Variants in CCL28 observed in about 807,000 individuals in gnomAD.
CCL28 encodes C-C motif chemokine 28.
A neutral mutation model predicts 7.1 loss-of-function variants in CCL28; 4 were observed. The ratio of observed to expected loss-of-function variants is 0.56; its 90% confidence interval spans 0.28 to 1.29. The LOEUF (loss-of-function observed/expected upper bound fraction) is 1.29. Among genes scored for constraint, CCL28 ranks in the 50% most tolerant of loss-of-function variants. The probability of loss-of-function intolerance (pLI) is 0.11; values close to 1 mark genes in which losing one functional copy is unlikely to be tolerated. For synonymous variants in CCL28, 55 were observed against 57.8 expected, an observed-to-expected ratio of 0.95 and a Z score of 0.22; for missense variants, 151 against 163.4, an observed-to-expected ratio of 0.92 and a Z score of 0.41.
chr5:43,359,255 C>A, the CCL28 span, among the ~76,000 whole-genome samples: 10 of 152,144 alleles, frequency 6.6e-5, no homozygotes, highest in South Asian at 2.1e-3. Context: ...AGCTGAGAAC[C>A]CTGAACAGAG....
intron 1 of CCL28, among the ~76,000 whole-genome samples, chr5:43,394,970 C>G (rs1740737084): frequency 6.6e-6 from 1 of 151,278 alleles, no homozygotes; most frequent in Non-Finnish European, 1.5e-5. Context: ...ATAAATTAAT[C>G]TATACTTTTA....
downstream of CCL28, among the ~76,000 whole-genome samples, chr5:43,378,659 A>G (rs1739985636): frequency 6.6e-6 from 1 of 152,146 alleles, no homozygotes; most frequent in Admixed American, 6.5e-5. Flanking sequence ...GTAAAATGTA[A>G]TTTCTTTAAG....
At chr5:43,383,466 G>A (rs1740204342) in intron 2 of CCL28, among the ~76,000 whole-genome samples, 1 of 152,130 alleles carries the variant, frequency 6.6e-6, no homozygotes, top group African/African-American at 2.4e-5. Context: ...TCGGGGGAAA[G>A]TTACAAATGA....
chr5:43,385,743 G>A (rs181508406), intron 2 of CCL28, among the ~76,000 whole-genome samples: 261 of 152,310 alleles, frequency 1.7e-3, no homozygotes, highest in African/African-American at 6.0e-3. Flanking sequence ...TTTACAAATT[G>A]TGCTTGAATA....
chr5:43,363,892 G>A, the CCL28 span, among the ~76,000 whole-genome samples: 4 of 152,134 alleles, frequency 2.6e-5, no homozygotes, highest in East Asian at 1.9e-4. Context: ...TTTACACAAC[G>A]AAATAGAAGC....
the CCL28 span, among the ~76,000 whole-genome samples, chr5:43,357,343 G>T: frequency 6.6e-6 from 1 of 152,210 alleles, no homozygotes. Flanking sequence ...TGTGCATACA[G>T]GGAAGGACAA....
At chr5:43,409,899 G>A (rs1198403373) in intron 1 of CCL28, among the ~76,000 whole-genome samples, 2 of 152,038 alleles carry the variant, frequency 1.3e-5, no homozygotes, top group African/African-American at 2.4e-5. Flanking sequence ...CAGCAGCCAC[G>A]TCAGCAGAGG....
chr5:43,368,185 T>A, the CCL28 span, among the ~76,000 whole-genome samples: 2 of 152,196 alleles, frequency 1.3e-5, no homozygotes, highest in African/African-American at 2.4e-5. Flanking sequence ...TTGTGAGGAC[T>A]AATCATAATA....
intron 1 of CCL28, among the ~76,000 whole-genome samples, chr5:43,390,923 A>G (rs1247052578): frequency 6.6e-6 from 1 of 152,222 alleles, no homozygotes; most frequent in Non-Finnish European, 1.5e-5. Flanking sequence ...CATGGGTAGC[A>G]TCTGATGTGT....
chr5:43,401,984 A>C (rs1344761990), intron 1 of CCL28, among the ~76,000 whole-genome samples: 5 of 152,174 alleles, frequency 3.3e-5, no homozygotes, highest in African/African-American at 1.2e-4. Context: ...CTTTAGCTTC[A>C]GTGCATGGCA....
chr5:43,370,736 T>G, the CCL28 span, among the ~76,000 whole-genome samples: 2 of 100,062 alleles, frequency 2.0e-5, no homozygotes, highest in Non-Finnish European at 4.2e-5. Context: ...TTATCTCTCT[T>G]TCTCTCTCTT....
rs955829780 is a variant in CCL28, at chr5:43,381,318, A to C, written c.*542T>G. 6.6e-6 allele frequency: 1 copy of C among 152,168 alleles called. No individual in the cohort carries two copies. The highest frequency in any genetic ancestry group is 1.5e-5 in the Non-Finnish European group (1 of 68,028). The allele number at this position is 152,168 out of a possible 1,614,324, so 9.4% of individuals were successfully genotyped here. ...TAAGTTTGGAAAACTATAATTAAAA[A>C]GTTGGGAGAAGTTATATCTATATGC... is the stretch of plus-strand genomic sequence containing the variant. On this transcript the variant is annotated 3_prime_UTR_variant, in exon 3 of 3. Transcript: ENST00000361115.
chr5:43,374,065 CAGT>C (rs1739837769), downstream of CCL28, among the ~76,000 whole-genome samples: 1 of 152,196 alleles, frequency 6.6e-6, no homozygotes. Context: ...TCTCATTTTT[CAGT>C]AGAAGTTGGT....
At chr5:43,376,014 A>G (rs1175303277), downstream of CCL28, among the ~76,000 whole-genome samples, 3 of 152,218 alleles carry the variant, frequency 2.0e-5, no homozygotes, top group African/African-American at 4.8e-5. Context: ...CAGCCTGGGC[A>G]ACAAGAGCGA....
At chr5:43,400,813 G>A (rs1740996290) in intron 1 of CCL28, among the ~76,000 whole-genome samples, 1 of 152,114 alleles carries the variant, frequency 6.6e-6, no homozygotes, top group Admixed American at 6.5e-5. Context: ...GGCTGGGTGT[G>A]GTGGCTCACG....
the CCL28 span, among the ~76,000 whole-genome samples, chr5:43,360,897 A>G: frequency 6.6e-6 from 1 of 152,148 alleles, no homozygotes; most frequent in Non-Finnish European, 1.5e-5. Flanking sequence ...AACACATGCC[A>G]TGGTGGTTTG....
chr5:43,366,595 G>A, the CCL28 span, among the ~76,000 whole-genome samples: 1 of 152,238 alleles, frequency 6.6e-6, no homozygotes, highest in Non-Finnish European at 1.5e-5. Flanking sequence ...CCTGCTGGGA[G>A]GTGTCTCTCA....
intron 1 of CCL28, among the ~76,000 whole-genome samples, chr5:43,405,618 C>A (rs978022884): frequency 6.6e-6 from 1 of 152,082 alleles, no homozygotes; most frequent in African/African-American, 2.4e-5. Flanking sequence ...CATTCAAAAG[C>A]CTACAGGAGT....
At chr5:43,397,839 G>C (rs1740874730) in intron 1 of CCL28, among the ~76,000 whole-genome samples, 1 of 151,396 alleles carries the variant, frequency 6.6e-6, no homozygotes, top group South Asian at 2.1e-4. Flanking sequence ...CTAATCTTTT[G>C]GTTTGTATTC....
Sources: allele counts gnomAD v4.1 joint callset (sites outside exome capture counted in the v4.1 genomes callset), GRCh38; gene constraint gnomAD v4.1.1; transcripts MANE v1.5; gene names NCBI Gene and HGNC (gene_info 2026-07-23, HGNC 2026-07-21).